Variants in C10orf90 observed in about 807,000 individuals in gnomAD.
C10orf90 encodes the protein (E2-independent) E3 ubiquitin-conjugating enzyme FATS.
In C10orf90, 56 loss-of-function variants were observed where a neutral mutation model predicts 62.5. The observed-to-expected ratio is 0.90, with a 90% CI of 0.72 to 1.12. The LOEUF (loss-of-function observed/expected upper bound fraction) is 1.12. Among genes scored for constraint, C10orf90 ranks in the 50% most tolerant of loss-of-function variants. C10orf90 has a pLI of 0.00. For missense variants in C10orf90, 970 were observed against 880.4 expected (o/e 1.10, Z -1.29); for synonymous variants, 386 against 340.4 (o/e 1.13, Z -1.47).
At chr10:126,458,796 C>T (rs1051221130) in intron 7 of C10orf90, among the ~76,000 whole-genome samples, 2 of 152,196 alleles carry the variant, frequency 1.3e-5, no homozygotes, top group Non-Finnish European at 2.9e-5. Flanking sequence ...TCTGTCCCAG[C>T]TGTAATGGTA....
Position 126,459,058 on chromosome 10 carries a change from T to C in C10orf90, c.2170A>G (p.Ile724Val). The C allele has an allele frequency of 6.2e-7, 1 of 1,612,950 alleles. No homozygotes were observed. Among genetic ancestry groups the C allele is most frequent in the Non-Finnish European group, 8.5e-7 (1 of 1,179,912 alleles). Residue 724 changes from isoleucine (I) to valine (V), a missense_variant, in exon 7 of 10, where the codon ATT (isoleucine) becomes GTT (valine). Transcript: ENST00000488181. Reference sequence around the variant, plus strand: ...AGCTTACCACTCAGAGGATGGGGAATCGTGAACTGCTTCTTGCTGGTGCGG... The same window carrying C: ...AGCTTACCACTCAGAGGATGGGGAACCGTGAACTGCTTCTTGCTGGTGCGG... Reference protein sequence around the residue: ...PIRTSKKQFTIPHPLSDNLFK... With the variant: ...PIRTSKKQFTVPHPLSDNLFK...
chr10:126,523,944 ATAC>A (rs1863855633), intron 2 of C10orf90, among the ~76,000 whole-genome samples: 1 of 152,172 alleles, frequency 6.6e-6, no homozygotes, highest in South Asian at 2.1e-4. Flanking sequence ...TTGAATGTAT[ATAC>A]TACAATATCC....
At chr10:126,442,497 A>ATATATATATATATATATATATATATATC (rs1168803860) in intron 7 of C10orf90, among the ~76,000 whole-genome samples, 7 of 110,418 alleles carry the variant, frequency 6.3e-5, no homozygotes, top group Admixed American at 5.5e-4. Flanking sequence ...ATATATATAT[A>ATATATATATATATATATATATATATATC]TATATATATA....
At chr10:126,513,147 C>T (rs1292003508) in intron 3 of C10orf90, among the ~76,000 whole-genome samples, 1 of 152,144 alleles carries the variant, frequency 6.6e-6, no homozygotes, top group African/African-American at 2.4e-5. Flanking sequence ...AAAGTCCATA[C>T]TGTAAATCTG....
chr10:126,502,278 T>G (rs1267992962), intron 4 of C10orf90, among the ~76,000 whole-genome samples: 1 of 152,208 alleles, frequency 6.6e-6, no homozygotes, highest in African/African-American at 2.4e-5. Context: ...TATTCAAGAC[T>G]CCCCTGGTGT....
At chr10:126,471,356 C>T (rs775178210) in intron 4 of C10orf90, among the ~76,000 whole-genome samples, 4 of 152,290 alleles carry the variant, frequency 2.6e-5, no homozygotes, top group Non-Finnish European at 2.9e-5. Flanking sequence ...AGACAGTAAG[C>T]AGATTTCTTC....
intron 2 of C10orf90, among the ~76,000 whole-genome samples, chr10:126,623,877 A>C (rs1845694083): frequency 6.6e-6 from 1 of 151,588 alleles, no homozygotes; most frequent in Non-Finnish European, 1.5e-5. Flanking sequence ...GCTTCATATG[A>C]CAGGGTCTTT....
chr10:126,475,041 T>C (rs1366365603), intron 4 of C10orf90, among the ~76,000 whole-genome samples: 1 of 152,202 alleles, frequency 6.6e-6, no homozygotes, highest in Non-Finnish European at 1.5e-5. Flanking sequence ...CTTCAGATAA[T>C]CAATTCTGAC....
At chr10:126,609,435 T>C (rs890036592) in intron 2 of C10orf90, among the ~76,000 whole-genome samples, 5 of 152,202 alleles carry the variant, frequency 3.3e-5, no homozygotes, top group Non-Finnish European at 7.3e-5. Flanking sequence ...AATCATTTCA[T>C]GCAACACCTG....
At chr10:126,591,745 A>G (rs1290070633) in intron 2 of C10orf90, among the ~76,000 whole-genome samples, 1 of 152,200 alleles carries the variant, frequency 6.6e-6, no homozygotes, top group African/African-American at 2.4e-5. Context: ...ATAGGAAGAC[A>G]GGAAATCAAA....
At chr10:126,508,190 A>AGT (rs1554903933) in intron 3 of C10orf90, among the ~76,000 whole-genome samples, 48 of 149,784 alleles carry the variant, frequency 3.2e-4, no homozygotes, top group South Asian at 6.4e-4. Context: ...AGAGAGAGAG[A>AGT]GTGTGTGTGT....
At chr10:126,495,221 A>G (rs1861977961) in intron 4 of C10orf90, among the ~76,000 whole-genome samples, 1 of 152,202 alleles carries the variant, frequency 6.6e-6, no homozygotes, top group African/African-American at 2.4e-5. Context: ...TGTTCACTGC[A>G]GCATTGGATG....
chr10:126,640,511 T>A (rs749409767), intron 2 of C10orf90, among the ~76,000 whole-genome samples: 2 of 151,666 alleles, frequency 1.3e-5, no homozygotes, highest in African/African-American at 2.4e-5. Flanking sequence ...GATGAGAAAA[T>A]AAGTTCCCTA....
In C10orf90 at chr10:126,653,830, G is replaced by A. The variant is rs181556969; in HGVS notation, c.241-7193C>T. On this transcript the variant is annotated intron_variant, in intron 1 of 9. Transcript: ENST00000488181. ...TCTGAAATAATAAGGCTTGAATGTC[G>A]AAATTAATTCTCGATCTATGGGCTG... Among the ~76,000 whole-genome samples, 311 of 152,298 alleles carry A rather than the reference G, an allele frequency of 2.0e-3. 1 individual carries two copies. Among genetic ancestry groups the A allele is most frequent in the Admixed American group, 4.0e-3 (61 of 15,292 alleles).
At chr10:126,489,973 CATATA>C (rs1477488610) in intron 4 of C10orf90, among the ~76,000 whole-genome samples, 1 of 116,012 alleles carries the variant, frequency 8.6e-6, no homozygotes, top group Non-Finnish European at 1.7e-5. Context: ...TGTATATATA[CATATA>C]ATATATATAT....
At chr10:126,602,973 G>A (rs1845229116) in intron 2 of C10orf90, among the ~76,000 whole-genome samples, 1 of 151,966 alleles carries the variant, frequency 6.6e-6, no homozygotes, top group Admixed American at 6.6e-5. Flanking sequence ...AGAAGGGAGA[G>A]AGAGAGAGAG....
intron 2 of C10orf90, among the ~76,000 whole-genome samples, chr10:126,598,492 C>T (rs1226161768): frequency 6.6e-6 from 1 of 152,126 alleles, no homozygotes; most frequent in Non-Finnish European, 1.5e-5. Context: ...CAAAATCTGC[C>T]TTGCCTTCCA....
intron 6 of C10orf90, 38 bp downstream of exon 6, chr10:126,461,363 T>A: frequency 6.3e-7 from 1 of 1,599,950 alleles, no homozygotes; most frequent in Middle Eastern, 1.7e-4. Flanking sequence ...ATCTCTCCCT[T>A]TGGCAGGAAT....
chr10:126,641,374 A>T (rs1338477007), intron 2 of C10orf90, among the ~76,000 whole-genome samples: 1 of 152,166 alleles, frequency 6.6e-6, no homozygotes, highest in East Asian at 1.9e-4. Flanking sequence ...TAAGTGAAAT[A>T]TAATTACTTT....
Sources: allele counts gnomAD v4.1 joint callset (sites outside exome capture counted in the v4.1 genomes callset), GRCh38; gene constraint gnomAD v4.1.1; transcripts MANE v1.5; gene names NCBI Gene and HGNC (gene_info 2026-07-23, HGNC 2026-07-21).